The following SIL1 variants were observed in gnomAD, a reference collection of about 807,000 sequenced individuals.
SIL1 encodes the protein nucleotide exchange factor SIL1.
Under a neutral mutation model 49.1 loss-of-function variants are expected in SIL1, and 40 were observed. That is an observed-to-expected ratio of 0.81 (90% confidence interval 0.63 to 1.06). The LOEUF is 1.06. SIL1 is among the 50% of genes least tolerant of loss of function. The probability of loss-of-function intolerance (pLI) is 0.00; values close to 1 mark genes in which losing one functional copy is unlikely to be tolerated. For missense variants in SIL1, 500 were observed against 572.6 expected, an observed-to-expected ratio of 0.87 and a Z score of 1.29; for synonymous variants, 253 against 250.8, an observed-to-expected ratio of 1.01 and a Z score of -0.08.
chr5:139,074,221 TA>T, intron 3 of SIL1, among the ~76,000 whole-genome samples: 1 of 152,128 alleles, frequency 6.6e-6, no homozygotes, highest in Non-Finnish European at 1.5e-5. Flanking sequence ...CACACCCAGC[TA>T]ATGTTTTAAT....
intron 1 of SIL1, among the ~76,000 whole-genome samples, chr5:139,181,769 T>G (rs962763886): frequency 3.0e-4 from 46 of 152,216 alleles, no homozygotes; most frequent in African/African-American, 1.1e-3. Flanking sequence ...AGCCCTTGCA[T>G]CTACCTTTCA....
chr5:139,095,849 T>A (rs1581096382), intron 3 of SIL1, among the ~76,000 whole-genome samples: 1 of 150,964 alleles, frequency 6.6e-6, no homozygotes, highest in Non-Finnish European at 1.5e-5. Context: ...AAAAAAAAAA[T>A]TTAAAGAAAG....
At chr5:139,139,803 A>G (rs1235407407) in intron 1 of SIL1, among the ~76,000 whole-genome samples, 1 of 152,102 alleles carries the variant, frequency 6.6e-6, no homozygotes, top group East Asian at 1.9e-4. Context: ...CCTGGCCAAC[A>G]TGGTGAAACC....
At chr5:138,990,389 A>G (rs1187671274) in intron 7 of SIL1, among the ~76,000 whole-genome samples, 1 of 152,200 alleles carries the variant, frequency 6.6e-6, no homozygotes, top group African/African-American at 2.4e-5. Context: ...CGTAGAAGGT[A>G]ACCTGGGGAG....
At chr5:139,116,574 T>A (rs2151791030) in intron 3 of SIL1, among the ~76,000 whole-genome samples, 1 of 152,300 alleles carries the variant, frequency 6.6e-6, no homozygotes, top group Non-Finnish European at 1.5e-5. Context: ...CACTTCCCCT[T>A]CAGGTCCCCA....
intron 2 of SIL1, among the ~76,000 whole-genome samples, chr5:139,127,430 G>C (rs1750775275): frequency 6.6e-6 from 1 of 152,190 alleles, no homozygotes; most frequent in Admixed American, 6.5e-5. Flanking sequence ...GTGTTGTTGG[G>C]AGGATTAAAT....
At chr5:139,156,045 C>T (rs868328199) in intron 1 of SIL1, among the ~76,000 whole-genome samples, 1 of 152,100 alleles carries the variant, frequency 6.6e-6, no homozygotes, top group Admixed American at 6.6e-5. Context: ...GTTGGCCAGG[C>T]TGGTCTTGAA....
At chr5:139,179,471 A>T (rs1319041389) in intron 1 of SIL1, among the ~76,000 whole-genome samples, 3 of 152,214 alleles carry the variant, frequency 2.0e-5, no homozygotes, top group Non-Finnish European at 4.4e-5. Flanking sequence ...AAGCAATATC[A>T]GCAACTAAAG....
intron 2 of SIL1, among the ~76,000 whole-genome samples, chr5:139,125,038 A>G (rs1221826035): frequency 2.6e-5 from 4 of 152,256 alleles, no homozygotes; most frequent in African/African-American, 9.6e-5. Context: ...ACCTTAGCAT[A>G]TCTACCAGCA....
chr5:139,071,090 G>A (rs889779200), intron 3 of SIL1, among the ~76,000 whole-genome samples: 2 of 151,732 alleles, frequency 1.3e-5, no homozygotes, highest in African/African-American at 4.8e-5. Flanking sequence ...CAATTTGCAA[G>A]AAATACAGAG....
chr5:139,191,696 T>C (rs1052626728), intron 1 of SIL1, among the ~76,000 whole-genome samples: 3 of 149,618 alleles, frequency 2.0e-5, no homozygotes. Flanking sequence ...GAGGCTGAGG[T>C]GGGAGGATCA....
intron 1 of SIL1, among the ~76,000 whole-genome samples, chr5:139,157,491 T>C (rs1751428306): frequency 6.6e-6 from 1 of 152,126 alleles, no homozygotes; most frequent in Non-Finnish European, 1.5e-5. Context: ...GTTTTCAGGA[T>C]GAGTGTTGGT....
At position 139,021,155 on chromosome 5, in the gene SIL1, C is replaced by G. The variant is rs1334221818; in HGVS notation, c.767+16G>C. 6 of 1,614,008 alleles carry G rather than the reference C, an allele frequency of 3.7e-6. No individual in the cohort carries two copies. In the African/African-American group the frequency reaches 8.0e-5, roughly 22 times the overall value. On this transcript the variant is annotated intron_variant, in intron 7 of 9. Transcript: ENST00000394817. ...CAAGCAATTCTGGCCATTGGGACGT[C>G]CATTATACTGCTCACCTGGAAAAGG... is the stretch of plus-strand genomic sequence containing the variant.
At chr5:138,987,639 G>T (rs1767674153) in intron 7 of SIL1, among the ~76,000 whole-genome samples, 1 of 152,084 alleles carries the variant, frequency 6.6e-6, no homozygotes, top group Non-Finnish European at 1.5e-5. Flanking sequence ...GGCTCTCATA[G>T]AAGCATTAAA....
chr5:139,195,464 T>G (rs1358486082), intron 1 of SIL1, among the ~76,000 whole-genome samples: 1 of 152,166 alleles, frequency 6.6e-6, no homozygotes, highest in Non-Finnish European at 1.5e-5. Flanking sequence ...CTCCGCTCAC[T>G]GCAAGCTCCG....
intron 7 of SIL1, among the ~76,000 whole-genome samples, chr5:139,014,965 C>A (rs1183733058): frequency 6.6e-6 from 1 of 152,148 alleles, no homozygotes; most frequent in Admixed American, 6.5e-5. Context: ...GGCCTTCAGC[C>A]AGTGGGGCTA....
intron 3 of SIL1, among the ~76,000 whole-genome samples, chr5:139,092,904 A>C (rs1197717714): frequency 6.6e-6 from 1 of 152,192 alleles, no homozygotes; most frequent in Non-Finnish European, 1.5e-5. Context: ...ATGTTGAAAG[A>C]GGTGATTAGG....
intron 7 of SIL1, among the ~76,000 whole-genome samples, chr5:138,989,621 G>GGCC (rs1406726438): frequency 6.6e-6 from 1 of 152,066 alleles, no homozygotes; most frequent in East Asian, 1.9e-4. Context: ...TGGAAACAAG[G>GGCC]GCCGCACTCC....
At chr5:139,045,341 C>T (rs1769133408) in intron 4 of SIL1, among the ~76,000 whole-genome samples, 1 of 152,148 alleles carries the variant, frequency 6.6e-6, no homozygotes. Flanking sequence ...AAGCAAAACC[C>T]TGTCTCAAAA....
Sources: gnomAD v4.1 joint callset for allele counts (sites outside exome capture counted in the v4.1 genomes callset) on GRCh38, gnomAD v4.1.1 for gene constraint, MANE v1.5 for transcripts, NCBI Gene and HGNC (gene_info 2026-07-23, HGNC 2026-07-21) for gene names.